Variants in GNB1 observed in about 807,000 individuals in gnomAD.
GNB1 encodes guanine nucleotide-binding protein G(I)/G(S)/G(T) subunit beta-1.
GNB1 carries 2 observed loss-of-function variants against 42.9 expected under a neutral mutation model. The ratio of observed to expected loss-of-function variants is 0.05; its 90% CI spans 0.02 to 0.15. The LOEUF is 0.15. Among genes scored for constraint, GNB1 ranks in the 10% least tolerant of loss-of-function variants. The pLI is 1.00. For missense variants in GNB1, 193 were observed against 462.2 expected (o/e 0.42, Z 5.34); for synonymous variants, 183 against 174.7 (o/e 1.05, Z -0.38).
intron 3 of GNB1, among the ~76,000 whole-genome samples, chr1:1,822,322 G>T (rs1646940160): frequency 2.4e-5 from 3 of 125,036 alleles, no homozygotes; most frequent in Admixed American, 1.9e-4. Flanking sequence ...TTTTTTTTGA[G>T]ACGGAGTCTC....
At chr1:1,835,644 A>G (rs1037609664) in intron 2 of GNB1, among the ~76,000 whole-genome samples, 2 of 152,218 alleles carry the variant, frequency 1.3e-5, no homozygotes, top group African/African-American at 4.8e-5. Context: ...TTAATCAGAT[A>G]GATGTGATAC....
intron 1 of GNB1, among the ~76,000 whole-genome samples, chr1:1,869,708 AC>A (rs1649142609): frequency 6.6e-6 from 1 of 152,104 alleles, no homozygotes; most frequent in Non-Finnish European, 1.5e-5. Flanking sequence ...TGCCCTCCCA[AC>A]CCCGAAAGAA....
At chr1:1,881,667 T>A (rs183961672) in intron 1 of GNB1, among the ~76,000 whole-genome samples, 1 of 152,170 alleles carries the variant, frequency 6.6e-6, no homozygotes, top group South Asian at 2.1e-4. Flanking sequence ...CCCAAAGTGG[T>A]GGGATTACAG....
chr1:1,883,386 G>T (rs1274739375), intron 1 of GNB1, among the ~76,000 whole-genome samples: 1 of 152,002 alleles, frequency 6.6e-6, no homozygotes, highest in Non-Finnish European at 1.5e-5. Flanking sequence ...GATTTGCAAA[G>T]ATAGCTAATA....
chr1:1,856,301 T>A (rs1183282111), intron 1 of GNB1, among the ~76,000 whole-genome samples: 1 of 152,152 alleles, frequency 6.6e-6, no homozygotes, highest in African/African-American at 2.4e-5. Flanking sequence ...TTTCTTTTTT[T>A]AAATTAGAGA....
chr1:1,875,305 C>T (rs1343476926), intron 1 of GNB1, among the ~76,000 whole-genome samples: 2 of 151,934 alleles, frequency 1.3e-5, no homozygotes, highest in East Asian at 3.9e-4. Context: ...GATTCTCATG[C>T]CTCAGTCTCC....
intron 1 of GNB1, among the ~76,000 whole-genome samples, chr1:1,863,970 G>C (rs1213577687): frequency 6.6e-6 from 1 of 152,080 alleles, no homozygotes; most frequent in Admixed American, 6.6e-5. Flanking sequence ...AGGCCAAGGC[G>C]GGTGGATCCA....
At chr1:1,874,243 G>A (rs1649406182) in intron 1 of GNB1, among the ~76,000 whole-genome samples, 1 of 152,210 alleles carries the variant, frequency 6.6e-6, no homozygotes, top group South Asian at 2.1e-4. Flanking sequence ...GGCCGAGGCA[G>A]GCAGATCACG....
At chr1:1,823,046 T>C (rs1434411219) in intron 3 of GNB1, among the ~76,000 whole-genome samples, 2 of 151,712 alleles carry the variant, frequency 1.3e-5, no homozygotes, top group Non-Finnish European at 2.9e-5. Context: ...ATCGAGACCA[T>C]CCTGGCTAAC....
chr1:1,852,275 C>A (rs548271456), intron 1 of GNB1, among the ~76,000 whole-genome samples: 2 of 152,112 alleles, frequency 1.3e-5, no homozygotes, highest in Admixed American at 1.3e-4. Context: ...GTCGCCCAGG[C>A]TGGAATGCAG....
intron 1 of GNB1, among the ~76,000 whole-genome samples, chr1:1,860,733 A>G (rs1648577401): frequency 6.6e-6 from 1 of 151,522 alleles, no homozygotes; most frequent in South Asian, 2.1e-4. Flanking sequence ...AGGGAGGAAG[A>G]GTCCCCACAA....
chr1:1,890,669 GC>G (rs1449446265), intron 1 of GNB1, among the ~76,000 whole-genome samples, 150 bp downstream of exon 1: 3 of 147,608 alleles, frequency 2.0e-5, no homozygotes, highest in African/African-American at 2.4e-5. Flanking sequence ...CCAGCCCCCG[GC>G]CCCCCCTTCG....
At position 1,790,713 on chromosome 1, in the gene GNB1, AC is replaced by A. The variant is rs1239200871; in HGVS notation, c.498-118del. 1 of 654,776 alleles carries A rather than the reference AC, an allele frequency of 1.5e-6. No homozygotes were observed. Among genetic ancestry groups the A allele is most frequent in the Non-Finnish European group, 2.7e-6 (1 of 367,064 alleles). 40.6% of individuals were successfully genotyped at this position (654,776 alleles called of 1,614,324 possible). Reference sequence around the variant, plus strand: ...GGCCACAGTGAGCCTCTGCACTGTTACTTTAAAAACGTAAATTGTTTAAAGA... The same window carrying A: ...GGCCACAGTGAGCCTCTGCACTGTTATTTAAAAACGTAAATTGTTTAAAGA... On this transcript the variant is annotated intron_variant, in intron 8 of 11. Transcript: ENST00000378609. The surrounding 1 kb of genome is among the most constrained non-coding windows in gnomAD (Gnocchi z 5.4).
At chr1:1,859,588 G>A (rs1020243177) in intron 1 of GNB1, among the ~76,000 whole-genome samples, 6 of 151,736 alleles carry the variant, frequency 4.0e-5, no homozygotes, top group Non-Finnish European at 4.4e-5. Context: ...GGGATGAGAC[G>A]CCAACGGAGA....
chr1:1,840,222 C>A, intron 1 of GNB1, among the ~76,000 whole-genome samples: 1 of 142,432 alleles, frequency 7.0e-6, no homozygotes, highest in African/African-American at 2.6e-5. Flanking sequence ...AGCAAGACAC[C>A]GTCTCGAAAA....
At chr1:1,851,761 C>T (rs867862686) in intron 1 of GNB1, among the ~76,000 whole-genome samples, 3 of 152,064 alleles carry the variant, frequency 2.0e-5, no homozygotes, top group African/African-American at 4.8e-5. Flanking sequence ...AACAGGCATT[C>T]GGCCGGGCAC....
chr1:1,829,704 A>T, intron 2 of GNB1, among the ~76,000 whole-genome samples: 1 of 152,226 alleles, frequency 6.6e-6, no homozygotes, highest in African/African-American at 2.4e-5. Context: ...TTGTGTGTAC[A>T]AGAAGGACAA....
intron 1 of GNB1, among the ~76,000 whole-genome samples, chr1:1,874,932 GT>G (rs1312800471): frequency 6.6e-6 from 1 of 152,180 alleles, no homozygotes; most frequent in Non-Finnish European, 1.5e-5. Flanking sequence ...AGAGGGGATG[GT>G]TTTGGGATGA....
intron 1 of GNB1, among the ~76,000 whole-genome samples, chr1:1,870,999 G>C (rs1283219743): frequency 6.6e-6 from 1 of 152,096 alleles, no homozygotes; most frequent in African/African-American, 2.4e-5. Flanking sequence ...CAACTACTGA[G>C]CTCCTTCTCT....
Sources: allele counts gnomAD v4.1 joint callset (sites outside exome capture counted in the v4.1 genomes callset), GRCh38; gene constraint gnomAD v4.1.1; non-coding constraint Gnocchi (gnomAD v3.1); transcripts MANE v1.5; gene names NCBI Gene and HGNC (gene_info 2026-07-23, HGNC 2026-07-21).